Variants in ANKRD36B observed in about 807,000 individuals in gnomAD.
The protein encoded by ANKRD36B is ankyrin repeat domain 36B, also known as ankyrin repeat domain-containing protein 36B.
In ANKRD36B, 37 loss-of-function variants were observed where a neutral mutation model predicts 135.7. The ratio of observed to expected loss-of-function variants is 0.27; its 90% CI spans 0.21 to 0.36. The LOEUF (loss-of-function observed/expected upper bound fraction) is 0.36, where lower values mean the gene tolerates loss of function less well. Among genes scored for constraint, ANKRD36B ranks in the 10% least tolerant of loss-of-function variants. The pLI, the probability that ANKRD36B is intolerant of heterozygous loss-of-function variation, is 1.00. For synonymous variants in ANKRD36B, 179 were observed against 348.1 expected, an observed-to-expected ratio of 0.51 and a Z score of 5.41; for missense variants, 549 against 1,037.1, an observed-to-expected ratio of 0.53 and a Z score of 6.46.
At chr2:97,585,427 A>G (rs2082911031) in intron 1 of ANKRD36B, 29 bp from the exon 2 acceptor site, 2 of 1,549,294 alleles carry the variant, frequency 1.3e-6, no homozygotes. Flanking sequence ...TTTTTAAAAC[A>G]TGTAACTGTA....
chr2:97,498,963 CA>C (rs781117902), intron 43 of ANKRD36B, among the ~76,000 whole-genome samples: 2 of 61,882 alleles, frequency 3.2e-5, no homozygotes, highest in South Asian at 2.5e-4. Context: ...CCTTTCTATA[CA>C]AAAAAAAACT....
chr2:97,559,342 T>C (rs886466445), intron 8 of ANKRD36B, among the ~76,000 whole-genome samples: 68 of 152,032 alleles, frequency 4.5e-4, no homozygotes, highest in African/African-American at 1.4e-3. Flanking sequence ...AGGTGGTACA[T>C]GATCCCTCAT....
At chr2:97,547,385 C>G (rs1194241129) in intron 22 of ANKRD36B, 151 bp downstream of exon 22, 13 of 974,344 alleles carry the variant, frequency 1.3e-5, no homozygotes, top group East Asian at 2.7e-5. Context: ...AGCAGCAACA[C>G]TATCACCCAC....
intron 35 of ANKRD36B, among the ~76,000 whole-genome samples, chr2:97,527,560 A>T (rs2078285923): frequency 1.1e-5 from 1 of 94,616 alleles, no homozygotes; most frequent in African/African-American, 3.2e-5. Context: ...AACAATATTA[A>T]CTTTAAATGT....
At chr2:97,585,858 A>C (rs561304635) in intron 1 of ANKRD36B, among the ~76,000 whole-genome samples, 8 of 152,246 alleles carry the variant, frequency 5.3e-5, no homozygotes, top group Admixed American at 2.6e-4. Context: ...TGAGGTATCT[A>C]TTAAAGATTA....
chr2:97,555,829 C>T (rs955457355), intron 12 of ANKRD36B, among the ~76,000 whole-genome samples: 8 of 151,820 alleles, frequency 5.3e-5, no homozygotes, highest in Non-Finnish European at 1.2e-4. Flanking sequence ...ATTTATAATA[C>T]CCATGTGGTG....
rs555201950 is a variant in ANKRD36B at position 97,540,678 on chromosome 2, G to C, written c.1886-449C>G. Among the ~76,000 whole-genome samples the C allele has an allele frequency of 7.3e-5, 7 of 95,966 alleles. 2 individuals are homozygous for C. The South Asian group carries it at 1.2e-3, about 16-fold the overall frequency. 63.0% of individuals were successfully genotyped at this position (95,966 alleles called of 152,430 possible). A position where few individuals can be genotyped will look rare whatever the true frequency, so the allele number is the denominator to read the frequency against. On this transcript the variant is annotated intron_variant, in intron 28 of 43. Coordinates refer to ENST00000359901, the MANE Select transcript of ANKRD36B (RefSeq NM_001393939.1). ...ATGCTCTTTAACTTGCCCGATAACAGAGAAGGTACACAATTACAATGACAC... is the reference window on the plus strand; with the variant it reads ...ATGCTCTTTAACTTGCCCGATAACACAGAAGGTACACAATTACAATGACAC...
chr2:97,548,870 T>C (rs1559158866), intron 20 of ANKRD36B, among the ~76,000 whole-genome samples: 2 of 151,958 alleles, frequency 1.3e-5, no homozygotes, highest in Non-Finnish European at 2.9e-5. Flanking sequence ...GCATCTGAAG[T>C]GAGTTCACTC....
At chr2:97,551,555 G>A in intron 16 of ANKRD36B, 75 bp from the exon 17 acceptor site, 4 of 1,596,546 alleles carry the variant, frequency 2.5e-6, no homozygotes, top group East Asian at 2.3e-5. Flanking sequence ...TGCAGTGTTT[G>A]TATCAACCTC....
chr2:97,582,471 A>G (rs1197275480), intron 3 of ANKRD36B, among the ~76,000 whole-genome samples: 1 of 151,940 alleles, frequency 6.6e-6, no homozygotes, highest in Non-Finnish European at 1.5e-5. Flanking sequence ...GCACAGTAGC[A>G]AAATGGAGAC....
intron 16 of ANKRD36B, 66 bp from the exon 17 acceptor site, chr2:97,551,546 G>A: frequency 6.2e-7 from 1 of 1,600,542 alleles, no homozygotes; most frequent in African/African-American, 1.3e-5. Context: ...ATACATTCAT[G>A]CAGTGTTTGT....
At chr2:97,529,914 C>T (rs1323306671) in intron 35 of ANKRD36B, among the ~76,000 whole-genome samples, 2 of 96,070 alleles carry the variant, frequency 2.1e-5, no homozygotes, top group African/African-American at 6.3e-5. Context: ...AGGATACAAA[C>T]AAATGGAAGA....
At chr2:97,538,490 G>A in intron 30 of ANKRD36B, 127 bp from the exon 31 acceptor site, 1 of 515,710 alleles carries the variant, frequency 1.9e-6, no homozygotes, top group Non-Finnish European at 3.3e-6. Context: ...ATGTTTTACA[G>A]TTTGTGTCTT....
chr2:97,539,722 C>T, intron 30 of ANKRD36B: 2 of 161,460 alleles, frequency 1.2e-5, no homozygotes, highest in Admixed American at 1.4e-4. Context: ...TATCTCCTAC[C>T]ACCCTTGGTG....
Position 97,496,886 on chromosome 2 carries a change from C to A in ANKRD36B, c.*7-4031G>T, listed in dbSNP as rs2077315731. ...CTTTTAAAATATTACTGCTCATTGA[C>A]AATGCACTCATAACCCAAGAGCTCT... On this transcript the variant is annotated intron_variant, in intron 43 of 43. Coordinates refer to ENST00000359901, the MANE Select transcript of ANKRD36B (RefSeq NM_001393939.1). Among the ~76,000 whole-genome samples, 5 of 55,812 alleles carry A rather than the reference C, an allele frequency of 9.0e-5. No homozygotes were observed. The South Asian group carries it at 1.3e-3, about 14-fold the overall frequency. The allele number at this position is 55,812 out of a possible 152,430, so 36.6% of individuals were successfully genotyped here.
intron 16 of ANKRD36B, among the ~76,000 whole-genome samples, chr2:97,552,110 T>C (rs113247402): frequency 0.082 from 12,512 of 151,954 alleles, 598 homozygotes; most frequent in Middle Eastern, 0.16. Context: ...CACTAGTTTA[T>C]CCCTCTGAAA....
intron 18 of ANKRD36B, among the ~76,000 whole-genome samples, chr2:97,550,309 A>G (rs182814749): frequency 6.6e-6 from 1 of 150,964 alleles, no homozygotes; most frequent in Admixed American, 6.6e-5. Context: ...CAATAAAAAT[A>G]TCATCAATTA....
intron 20 of ANKRD36B, 72 bp from the exon 21 acceptor site, chr2:97,547,803 T>G (rs2079619943): frequency 6.6e-7 from 1 of 1,524,964 alleles, no homozygotes; most frequent in Admixed American, 2.0e-5. Flanking sequence ...TCACGCAGTG[T>G]TAGCATCAAC....
At chr2:97,555,386 G>T in intron 12 of ANKRD36B, 132 bp from the exon 13 acceptor site, 2 of 1,355,784 alleles carry the variant, frequency 1.5e-6, no homozygotes, top group Non-Finnish European at 1.0e-6. Context: ...TGTGTCTGGG[G>T]ACTGGAACAT....
Sources: gnomAD v4.1 joint callset for allele counts (sites outside exome capture counted in the v4.1 genomes callset) on GRCh38, gnomAD v4.1.1 for gene constraint, MANE v1.5 for transcripts, NCBI Gene and HGNC (gene_info 2026-07-23, HGNC 2026-07-21) for gene names.